ESPN: variants seen among roughly 807,000 people sequenced by gnomAD.
The protein encoded by ESPN is autosomal recessive deafness type 36 protein.
Under a neutral mutation model 77.7 loss-of-function variants are expected in ESPN, and 68 were observed. The ratio of observed to expected loss-of-function variants is 0.87; its 90% CI spans 0.72 to 1.07. The LOEUF (loss-of-function observed/expected upper bound fraction) is 1.07. Among genes scored for constraint, ESPN ranks in the 50% least tolerant of loss-of-function variants. ESPN has a pLI of 0.00. For synonymous variants in ESPN, 449 were observed against 567.1 expected, an observed-to-expected ratio of 0.79 and a Z score of 2.96; for missense variants, 1,060 against 1,239.0, an observed-to-expected ratio of 0.86 and a Z score of 2.17.
intron 2 of ESPN, among the ~76,000 whole-genome samples, chr1:6,431,542 A>T (rs1207134053): frequency 2.0e-5 from 3 of 151,470 alleles, no homozygotes; most frequent in African/African-American, 7.3e-5. Flanking sequence ...GAGGCAGGAG[A>T]ATCACTTGAA....
chr1:6,440,605 CT>C lies in ESPN; in HGVS notation c.676-20del. 3.4e-6 allele frequency: 4 copies of C among 1,185,370 alleles called. No individual in the cohort carries two copies. The highest frequency in any genetic ancestry group is 4.7e-6 in the Non-Finnish European group (4 of 851,612). The allele number at this position is 1,185,370 out of a possible 1,614,324, so 73.4% of individuals were successfully genotyped here. On this transcript the variant is annotated intron_variant, in intron 3 of 12. Transcript: ENST00000645284. ...CCTGGCGCCCAGCCCCCGCCCCCCT[CT>C]CCCCGCCCGTCCCGCCCAGGTGAGC...
In ESPN at chr1:6,460,126, G is replaced by T. The variant is rs540478913; in HGVS notation, c.2545G>T (p.Gly849Trp). The part of the protein sequence containing the change: ...PWQRQVILKK[G>W]DIAKY ...GCAGCGACAGGTCATCCTGAAGAAG[G>T]GGGACATCGCTAAGTACTAGAGGCC... Residue 849 changes from glycine to tryptophan, a missense_variant, in exon 13 of 13, where the codon GGG becomes TGG. By Grantham distance (184) the Gly-to-Trp change is radical (BLOSUM62 -2). Around this residue, in one of 3 missense-constraint regions of ESPN, gnomAD observed 374 missense variants for 381.4 expected, o/e 0.98. Transcript: ENST00000645284. 5 of 1,612,656 alleles carry T rather than the reference G, an allele frequency of 3.1e-6. No homozygotes were observed. The East Asian group carries it at 1.1e-4, about 36-fold the overall frequency.
In ESPN at chr1:6,447,167, G is replaced by GGCTGTGTGCGCCCCTGCC. The variant is rs1557709861; in HGVS notation, c.1464+1233_1464+1234insCTGTGTGCGCCCCTGCCG. On this transcript the variant is annotated intron_variant, in intron 7 of 12. Transcript: ENST00000645284. The surrounding 1 kb of genome is among the most constrained non-coding windows in gnomAD (Gnocchi z 5.2). ...CCCTCCCGGCTGTGTGCGTCCCTCC[G>GGCTGTGTGCGCCCCTGCC]GGCTGTGTGCGCCCCTCCCGGCTGT... Among the ~76,000 whole-genome samples, 4 of 150,784 alleles carry GGCTGTGTGCGCCCCTGCC rather than the reference G, an allele frequency of 2.7e-5. No individual in the cohort carries two copies. The highest frequency in any genetic ancestry group is 2.0e-4 in the Admixed American group (3 of 15,140).
chr1:6,430,255 C>A (rs1323687832), intron 2 of ESPN, among the ~76,000 whole-genome samples: 1 of 152,188 alleles, frequency 6.6e-6, no homozygotes, highest in Non-Finnish European at 1.5e-5. Context: ...AGGCTCAGCT[C>A]TCTCGCTGGC....
chr1:6,436,272 C>T (rs1215954674), intron 2 of ESPN, among the ~76,000 whole-genome samples: 1 of 152,118 alleles, frequency 6.6e-6, no homozygotes, highest in African/African-American at 2.4e-5. Flanking sequence ...GATCTTAGCT[C>T]TCTGTGCCTC....
chr1:6,440,602 C>CCACAGG, intron 3 of ESPN, 24 bp from the exon 4 acceptor site: 2 of 1,256,466 alleles, frequency 1.6e-6, no homozygotes, highest in Non-Finnish European at 2.2e-6. Flanking sequence ...CCCCCGCCCC[C>CCACAGG]CTCTCCCCGC....
intron 5 of ESPN, 74 bp downstream of exon 5, chr1:6,441,139 CT>C: frequency 1.3e-6 from 2 of 1,555,166 alleles, no homozygotes; most frequent in African/African-American, 2.7e-5. Context: ...GTCGTCACCC[CT>C]TTTACCAAGG....
At position 6,440,760 on chromosome 1, in the gene ESPN, G is replaced by A. The variant is rs752922525; in HGVS notation, c.810G>A (p.Leu270=). The change falls in exon 4 of 13, where the codon CTG becomes CTA. Residue 270 remains leucine, a synonymous_variant. Transcript: ENST00000645284. ...ACGGCGGGGAGATCTCGGCTGACCT[G>A]TGGGGCGGGACCCCGCTGCACGACG... is the stretch of plus-strand genomic sequence containing the variant. The part of the protein sequence containing the change: ...LLHGGEISAD[L]WGGTPLHDAA... 1.8e-5 allele frequency: 28 copies of A among 1,534,788 alleles called. No homozygotes were observed. In the Admixed American group the frequency reaches 5.4e-4, roughly 30 times the overall value.
intron 2 of ESPN, among the ~76,000 whole-genome samples, chr1:6,434,190 A>G (rs938771876): frequency 1.2e-4 from 18 of 152,322 alleles, no homozygotes; most frequent in Non-Finnish European, 2.4e-4. Flanking sequence ...GGCATGAGCC[A>G]CTGCACCTGG....
Position 6,445,712 on chromosome 1 carries a change from T to C in ESPN, c.1241T>C (p.Leu414Pro). Residue 414 changes from leucine (L) to proline (P), a missense_variant, in exon 7 of 13, where the codon CTG (leucine) becomes CCG (proline). By Grantham distance (98) the Leu-to-Pro change is moderately conservative (BLOSUM62 -3). Around this residue, in one of 3 missense-constraint regions of ESPN, gnomAD observed 556 missense variants for 633.6 expected, o/e 0.88. Transcript: ENST00000645284. ...GACATACAGAGCTACATGGACATGC[T>C]GAACCCGGAGCTGGGCCTGCCTCGG... ...AADIQSYMDM[L>P]NPELGLPRGT... 2 of 1,612,250 alleles carry C rather than the reference T, an allele frequency of 1.2e-6. No individual in the cohort carries two copies. Among genetic ancestry groups the C allele is most frequent in the African/African-American group, 2.7e-5 (2 of 75,006 alleles).
At chr1:6,432,817 C>T (rs1367169673) in intron 2 of ESPN, among the ~76,000 whole-genome samples, 1 of 152,208 alleles carries the variant, frequency 6.6e-6, no homozygotes, top group African/African-American at 2.4e-5. Flanking sequence ...CATGTCCACC[C>T]GCAGCCTTTG....
Position 6,447,957 on chromosome 1 carries a change from C to T in ESPN, c.1465-684C>T, listed in dbSNP as rs1394765958. 1 of 152,262 alleles carries T rather than the reference C, an allele frequency of 6.6e-6. No individual in the cohort carries two copies. The highest frequency in any genetic ancestry group is 1.5e-5 in the Non-Finnish European group (1 of 68,122). 9.4% of individuals were successfully genotyped at this position (152,262 alleles called of 1,614,324 possible). ...ATCCGCGACGGCTGGGGGGGTTCAG[C>T]CTGGGATTGGCGGGCCCCGGGTGAT... On this transcript the variant is annotated intron_variant, in intron 7 of 12. Transcript: ENST00000645284. This position sits in a 1 kb window ranked among gnomAD's most constrained non-coding sequence, Gnocchi z 5.2.
At position 6,453,504 on chromosome 1, in the gene ESPN, A is replaced by G. The variant is rs565350786; in HGVS notation, c.2325+1408A>G. On this transcript the variant is annotated intron_variant, in intron 10 of 12. Coordinates refer to ENST00000645284, the MANE Select transcript of ESPN (RefSeq NM_031475.3). ...CTTGGAAGACGAGTGAGGGGTGGCC[A>G]GGAGGAGAGTGGGCTGAAGAGCCGC... Among the ~76,000 whole-genome samples the G allele has an allele frequency of 4.2e-3, 645 of 152,330 alleles. 10 individuals carry two copies. Among genetic ancestry groups the G allele is most frequent in the African/African-American group, 0.014 (589 of 41,564 alleles).
chr1:6,459,931 C>T (rs1644127206), intron 12 of ESPN, 68 bp from the exon 13 acceptor site: 1 of 1,603,350 alleles, frequency 6.2e-7, no homozygotes, highest in Non-Finnish European at 8.5e-7. Context: ...CCTGGCCCCA[C>T]CCTTTCTGCC....
At chr1:6,436,296 G>A (rs1212478492) in intron 2 of ESPN, among the ~76,000 whole-genome samples, 1 of 152,084 alleles carries the variant, frequency 6.6e-6, no homozygotes, top group Non-Finnish European at 1.5e-5. Context: ...TTCCTCATCT[G>A]TACCAGGAGA....
intron 7 of ESPN, chr1:6,448,108 A>G (rs1643881912): frequency 6.6e-6 from 1 of 152,382 alleles, no homozygotes; most frequent in Admixed American, 6.5e-5. Context: ...GGCCACCAGC[A>G]CCGTGGCAGG....
intron 8 of ESPN, 93 bp downstream of exon 8, chr1:6,449,184 C>G (rs76747981): frequency 8.0e-7 from 1 of 1,245,712 alleles, no homozygotes. Context: ...TGTCACTGCC[C>G]GGGTCCTTCC....
chr1:6,445,599 T>G, intron 6 of ESPN, 65 bp from the exon 7 acceptor site: 1 of 1,560,460 alleles, frequency 6.4e-7, no homozygotes, highest in Non-Finnish European at 8.7e-7. Flanking sequence ...TGGTGGAGAG[T>G]CTCAGTCTTG....
intron 10 of ESPN, chr1:6,454,397 C>T: frequency 2.5e-6 from 1 of 398,858 alleles, no homozygotes; most frequent in East Asian, 3.6e-5. Context: ...CAGAGGGAGA[C>T]GCGCCTCCCT....
Sources: gnomAD v4.1 joint callset for allele counts (sites outside exome capture counted in the v4.1 genomes callset) on GRCh38, gnomAD v4.1.1 for gene constraint, gnomAD v4.1.1 regional missense constraint, Gnocchi (gnomAD v3.1) non-coding constraint, MANE v1.5 for transcripts, NCBI Gene and HGNC (gene_info 2026-07-23, HGNC 2026-07-21) for gene names.